Variants in POU5F1B observed in about 807,000 individuals in gnomAD.
POU5F1B encodes POU domain, class 5, transcription factor 1B.
A neutral mutation model predicts 28.1 loss-of-function variants in POU5F1B; 24 were observed. That is an observed-to-expected ratio of 0.85 (90% CI 0.62 to 1.20). POU5F1B has a LOEUF of 1.20. POU5F1B is among the 50% of genes most tolerant of loss of function. The probability of loss-of-function intolerance (pLI) is 0.00; values close to 1 mark genes in which losing one functional copy is unlikely to be tolerated. For synonymous variants in POU5F1B, 220 were observed against 193.2 expected (o/e 1.14, Z -1.15); for missense variants, 451 against 451.5 (o/e 1.00, Z 0.01).
Position 127,415,259 on chromosome 8 carries a change from G to A in POU5F1B, c.-424-184G>A, listed in dbSNP as rs116121510. Among the ~76,000 whole-genome samples the A allele has an allele frequency of 2.8e-3, 434 of 152,316 alleles. 2 individuals are homozygous for A. Among genetic ancestry groups the A allele is most frequent in the African/African-American group, 9.7e-3 (402 of 41,560 alleles). ...GATAAACAACTAATACACCCATCCA[G>A]TGCTGAAGAAAGGGGTTGTCAGGAG... is the stretch of plus-strand genomic sequence containing the variant. On this transcript the variant is annotated intron_variant, in intron 2 of 2. Coordinates refer to ENST00000465342, the Ensembl canonical transcript of POU5F1B.
At chr8:127,415,918 G>A in exon 3 of POU5F1B, 2 of 1,549,086 alleles carry the variant, frequency 1.3e-6, no homozygotes, top group East Asian at 2.4e-5. Flanking sequence ...TCCAGGCGGT[G>A]GGGGTGATGG....
At chr8:127,416,639 A>G in exon 3 of POU5F1B, 1 of 1,600,658 alleles carries the variant, frequency 6.2e-7, no homozygotes, top group Non-Finnish European at 8.5e-7. Flanking sequence ...CCCACACTGC[A>G]GATCAGCCAC....
At chr8:127,414,154 T>C (rs1815098867) in intron 1 of POU5F1B, among the ~76,000 whole-genome samples, 1 of 152,222 alleles carries the variant, frequency 6.6e-6, no homozygotes, top group Non-Finnish European at 1.5e-5. Context: ...GAACGTCAAA[T>C]AAGCATGAGA....
rs747394472 is a variant in POU5F1B, at chr8:127,416,519, A to G, written c.653A>G (p.Gln218Arg). Residue 218 changes from glutamine (Q) to arginine (R), a missense_variant, in exon 3 of 3, where the codon CAG becomes CGG. Coordinates refer to ENST00000465342, the Ensembl canonical transcript of POU5F1B. ...GAAGCTGACAACAATGAAAATCTTC[A>G]GGAGATATGCAAAGCAGAAACCCTC... 8.1e-6 allele frequency: 13 copies of G among 1,609,256 alleles called. No individual in the cohort carries two copies. The East Asian group carries it at 2.9e-4, about 36-fold the overall frequency.
exon 3 of POU5F1B, chr8:127,416,851 T>G: frequency 6.2e-7 from 1 of 1,602,586 alleles, no homozygotes; most frequent in Non-Finnish European, 8.5e-7. Context: ...GAGCCCTCAC[T>G]TCACTGCACT....
chr8:127,416,779 T>A, exon 3 of POU5F1B: 1 of 1,606,624 alleles, frequency 6.2e-7, no homozygotes, highest in Non-Finnish European at 8.5e-7. Context: ...GTCTCCTTTC[T>A]CAGGGGGACC....
At position 127,416,252 on chromosome 8, in the gene POU5F1B, T is replaced by C. The variant is rs573956416; in HGVS notation, c.386T>C (p.Leu129Pro). Residue 129 changes from leucine to proline, a missense_variant, in exon 3 of 3, where the codon CTA becomes CCA. Coordinates refer to ENST00000465342, the Ensembl canonical transcript of POU5F1B. ...GCCGTGAAGCTGGAGAAGGAGAAGCTAGAGCAAAACCCGGAGAAGTCCCAG... is the reference window on the plus strand; with the variant it reads ...GCCGTGAAGCTGGAGAAGGAGAAGCCAGAGCAAAACCCGGAGAAGTCCCAG... The C allele has an allele frequency of 1.5e-5, 24 of 1,613,794 alleles. No homozygotes were observed. The highest frequency in any genetic ancestry group is 2.0e-5 in the Non-Finnish European group (24 of 1,179,820).
chr8:127,416,192 G>A (rs1275848689), exon 3 of POU5F1B: 2 of 1,613,872 alleles, frequency 1.2e-6, no homozygotes, highest in Admixed American at 1.7e-5. Flanking sequence ...AACTCCAATG[G>A]GGCCTCCCCG....
rs767382393 is a variant in POU5F1B, at chr8:127,416,468, G to C, written c.602G>C (p.Arg201Pro). The C allele has an allele frequency of 4.4e-6, 7 of 1,609,112 alleles. No individual in the cohort carries two copies. In the Admixed American group the frequency reaches 1.0e-4, roughly 23 times the overall value. Reference sequence around the variant, plus strand: ...AGCTTCAAGAACATGTGTAAGCTGCGGCCCTTGCTGCAGAAGTGGGTGGAG... The same window carrying C: ...AGCTTCAAGAACATGTGTAAGCTGCCGCCCTTGCTGCAGAAGTGGGTGGAG... The change falls in exon 3 of 3, where the codon CGG (arginine) becomes CCG (proline). Residue 201 changes from arginine (R) to proline (P), a missense_variant. By Grantham distance (103) the Arg-to-Pro change is moderately radical. Around this residue, in one of 3 missense-constraint regions of POU5F1B, gnomAD observed 213 missense variants for 220.4 expected, o/e 0.97. Transcript: ENST00000465342.
rs190348884 is a variant in POU5F1B at position 127,415,777 on chromosome 8, C to T, written c.-90C>T. ...GTTCATTGCTAGTGAGCGTATGACA[C>T]ACACAGCCATACGGTCACAGAGCTT... On this transcript the variant is annotated 5_prime_UTR_variant, in exon 3 of 3. Coordinates refer to ENST00000465342, the Ensembl canonical transcript of POU5F1B. 23 of 1,446,414 alleles carry T rather than the reference C, an allele frequency of 1.6e-5. No homozygotes were observed. In the East Asian group the frequency reaches 5.8e-4, roughly 36 times the overall value. 89.6% of individuals were successfully genotyped at this position (1,446,414 alleles called of 1,614,324 possible).
exon 3 of POU5F1B, chr8:127,416,287 G>C (rs769082871): frequency 1.2e-6 from 2 of 1,613,866 alleles, no homozygotes; most frequent in South Asian, 2.2e-5. Flanking sequence ...GGACATCAAA[G>C]CTCTGCAGAA....
chr8:127,417,075 G>T, exon 3 of POU5F1B: 2 of 1,316,786 alleles, frequency 1.5e-6, no homozygotes, highest in Non-Finnish European at 1.0e-6. Flanking sequence ...AACACTAAGG[G>T]TGGGGGCAGG....
chr8:127,415,677 T>G, exon 3 of POU5F1B: 3 of 906,796 alleles, frequency 3.3e-6, no homozygotes, highest in Non-Finnish European at 4.5e-6. Context: ...TCACAGGTGA[T>G]TATGATTTAA....
At chr8:127,415,507 T>G in exon 3 of POU5F1B, 2 of 225,506 alleles carry the variant, frequency 8.9e-6, no homozygotes, top group Non-Finnish European at 1.7e-5. Context: ...ATGGCTCCCA[T>G]GAAGAATCTA....
chr8:127,417,222 A>AAAGAC, exon 3 of POU5F1B: 1 of 343,848 alleles, frequency 2.9e-6, no homozygotes. Context: ...AAAGAAAAGA[A>AAAGAC]AAGTAACATA....
exon 3 of POU5F1B, chr8:127,416,889 G>C: frequency 6.2e-7 from 1 of 1,600,432 alleles, no homozygotes; most frequent in Admixed American, 1.7e-5. Flanking sequence ...TCCCTGAGGG[G>C]GAAGTCTTTC....
exon 3 of POU5F1B, chr8:127,416,264 C>T (rs1815136136): frequency 1.2e-6 from 2 of 1,613,858 alleles, no homozygotes; most frequent in Non-Finnish European, 1.7e-6. Context: ...GAGCAAAACC[C>T]GGAGAAGTCC....
exon 3 of POU5F1B, chr8:127,415,727 C>T: frequency 7.4e-7 from 1 of 1,346,794 alleles, no homozygotes; most frequent in Non-Finnish European, 9.8e-7. Flanking sequence ...ATTCAGTCAA[C>T]ATTTAATGAT....
intron 1 of POU5F1B, among the ~76,000 whole-genome samples, chr8:127,413,581 A>T (rs1006045588): frequency 9.2e-5 from 14 of 152,220 alleles, no homozygotes; most frequent in Non-Finnish European, 1.5e-4. Context: ...TAGTCAAACG[A>T]GTAGACGTTC....
Sources: allele counts gnomAD v4.1 joint callset (sites outside exome capture counted in the v4.1 genomes callset), GRCh38; gene constraint gnomAD v4.1.1; regional missense constraint gnomAD v4.1.1; transcripts MANE v1.5; gene names NCBI Gene and HGNC (gene_info 2026-07-23, HGNC 2026-07-21).